Variants in IGF2BP2 observed in about 807,000 individuals in gnomAD.
IGF2BP2 encodes the protein insulin like growth factor 2 mRNA binding protein 2.
A neutral mutation model predicts 75.8 loss-of-function variants in IGF2BP2; 17 were observed. The ratio of observed to expected loss-of-function variants is 0.22; its 90% confidence interval spans 0.15 to 0.34. IGF2BP2 has a LOEUF of 0.34. Among genes scored for constraint, IGF2BP2 ranks in the 10% least tolerant of loss-of-function variants. The pLI is 1.00. For synonymous variants in IGF2BP2, 288 were observed against 295.6 expected, an observed-to-expected ratio of 0.97 and a Z score of 0.26; for missense variants, 516 against 772.4, an observed-to-expected ratio of 0.67 and a Z score of 3.93.
chr3:185,739,872 C>T (rs906796473), intron 2 of IGF2BP2, among the ~76,000 whole-genome samples: 4 of 122,972 alleles, frequency 3.3e-5, no homozygotes, highest in Non-Finnish European at 6.9e-5. Flanking sequence ...CCCCCCACCC[C>T]GAGACAAGGT....
At chr3:185,792,638 G>A (rs1736806958) in intron 2 of IGF2BP2, among the ~76,000 whole-genome samples, 1 of 151,584 alleles carries the variant, frequency 6.6e-6, no homozygotes, top group African/African-American at 2.4e-5. Flanking sequence ...CTGGTGACGG[G>A]CAACTGTAAT....
intron 2 of IGF2BP2, among the ~76,000 whole-genome samples, chr3:185,751,912 G>A (rs543161212): frequency 8.4e-4 from 127 of 151,778 alleles, no homozygotes; most frequent in African/African-American, 2.9e-3. Context: ...GCAGTGAGCC[G>A]AGATCGTGCC....
At chr3:185,689,723 C>T (rs893599666) in intron 5 of IGF2BP2, 96 bp from the exon 6 acceptor site, 3 of 1,405,476 alleles carry the variant, frequency 2.1e-6, no homozygotes, top group Non-Finnish European at 2.0e-6. Flanking sequence ...AATCCCAGCA[C>T]TTTGGGAGGC....
intron 2 of IGF2BP2, among the ~76,000 whole-genome samples, chr3:185,791,346 T>C (rs920784840): frequency 8.5e-5 from 13 of 152,240 alleles, no homozygotes; most frequent in East Asian, 3.8e-4. Context: ...TCCCAGCTAC[T>C]TGGGAGGCTG....
intron 14 of IGF2BP2, among the ~76,000 whole-genome samples, chr3:185,648,802 C>A (rs1449605433): frequency 6.6e-6 from 1 of 152,234 alleles, no homozygotes; most frequent in Non-Finnish European, 1.5e-5. Context: ...TTTCAAAAAA[C>A]AATCTCCTCC....
At chr3:185,764,242 T>C (rs1462842083) in intron 2 of IGF2BP2, among the ~76,000 whole-genome samples, 1 of 152,122 alleles carries the variant, frequency 6.6e-6, no homozygotes, top group African/African-American at 2.4e-5. Flanking sequence ...AAATTGCTAA[T>C]ATTTTGGCAC....
chr3:185,719,753 G>C (rs1344130800), intron 2 of IGF2BP2, among the ~76,000 whole-genome samples: 2 of 152,132 alleles, frequency 1.3e-5, no homozygotes, highest in Non-Finnish European at 2.9e-5. Flanking sequence ...AGAATCACTT[G>C]AACCTGGGAG....
In IGF2BP2 at chr3:185,820,471, C is replaced by CA. The variant is rs532634983; in HGVS notation, c.239+2681dup. On this transcript the variant is annotated intron_variant, in intron 2 of 15. Transcript: ENST00000382199. ...TTCAACAGAGCCTGAAACCAACTTA[C>CA]AAAGAGAAATAAATGCTTTATGTGC... is the stretch of plus-strand genomic sequence containing the variant. 5.8e-3 allele frequency among the ~76,000 whole-genome samples: 889 copies of CA among 151,972 alleles called. 9 individuals are homozygous for CA. The highest frequency in any genetic ancestry group is 0.02 in the African/African-American group (843 of 41,452).
intron 2 of IGF2BP2, among the ~76,000 whole-genome samples, chr3:185,775,372 A>G (rs1402701411): frequency 6.6e-6 from 1 of 152,228 alleles, no homozygotes; most frequent in Non-Finnish European, 1.5e-5. Flanking sequence ...ATATGTGGCT[A>G]AACTCTGGAG....
chr3:185,811,632 T>C (rs1739839911), intron 2 of IGF2BP2, among the ~76,000 whole-genome samples: 2 of 152,214 alleles, frequency 1.3e-5, no homozygotes, highest in South Asian at 2.1e-4. Context: ...AGCTAACTAA[T>C]AGCTGTCCCT....
chr3:185,774,874 GC>G (rs1376629007), intron 2 of IGF2BP2, among the ~76,000 whole-genome samples: 4 of 151,962 alleles, frequency 2.6e-5, no homozygotes, highest in Non-Finnish European at 5.9e-5. Flanking sequence ...ACAAAAATTA[GC>G]CGGGGATGCT....
At chr3:185,715,586 G>A (rs1725473729) in intron 2 of IGF2BP2, among the ~76,000 whole-genome samples, 1 of 152,150 alleles carries the variant, frequency 6.6e-6, no homozygotes, top group Non-Finnish European at 1.5e-5. Context: ...TTCTGTGGCT[G>A]TCTATATCCC....
chr3:185,814,110 T>C (rs1740287670), intron 2 of IGF2BP2: 1 of 152,214 alleles, frequency 6.6e-6, no homozygotes, highest in South Asian at 2.1e-4. Context: ...TCTGGAAGTA[T>C]AGAAAGAAAA....
intron 2 of IGF2BP2, among the ~76,000 whole-genome samples, chr3:185,748,988 A>C (rs1404715654): frequency 6.6e-6 from 1 of 152,114 alleles, no homozygotes; most frequent in Non-Finnish European, 1.5e-5. Context: ...AGATGGTGAA[A>C]TCCCATCTCT....
intron 2 of IGF2BP2, among the ~76,000 whole-genome samples, chr3:185,809,349 A>G (rs1177124012): frequency 2.0e-5 from 3 of 152,202 alleles, no homozygotes; most frequent in Admixed American, 6.5e-5. Context: ...TTGCTTTCCA[A>G]TGTTCATTTT....
rs1295008280 is a variant in IGF2BP2, at chr3:185,689,419, C to G, written c.613G>C (p.Val205Leu). The G allele has an allele frequency of 8.1e-6, 13 of 1,613,976 alleles. No individual in the cohort carries two copies. The highest frequency in any genetic ancestry group is 1.1e-5 in the Non-Finnish European group (13 of 1,180,034). ...PLRILVPTQF[V>L]GAIIGKEGLT... ...CCCTCCTTTCCGATGATGGCACCAA[C>G]AAACTGGGTGGGGACCAGGATCCGC... The change falls in exon 6 of 16, where the codon GTT (valine) becomes CTT (leucine). Residue 205 changes from valine to leucine, a missense_variant. Around this residue, in one of 3 missense-constraint regions of IGF2BP2, gnomAD observed 312 missense variants for 474.5 expected, o/e 0.66. Transcript: ENST00000382199.
intron 2 of IGF2BP2, among the ~76,000 whole-genome samples, chr3:185,743,419 G>A (rs971219254): frequency 6.6e-5 from 10 of 152,062 alleles, no homozygotes; most frequent in South Asian, 2.1e-4. Context: ...GGGATTACAG[G>A]TGCGTGTCAC....
At chr3:185,659,897 C>T (rs977841482) in intron 10 of IGF2BP2, among the ~76,000 whole-genome samples, 3 of 151,924 alleles carry the variant, frequency 2.0e-5, no homozygotes, top group Non-Finnish European at 4.4e-5. Flanking sequence ...CGGGTTCAAG[C>T]GATTCTCCTG....
intron 2 of IGF2BP2, among the ~76,000 whole-genome samples, chr3:185,793,378 C>T (rs1223381222): frequency 6.6e-6 from 1 of 152,094 alleles, no homozygotes; most frequent in African/African-American, 2.4e-5. Flanking sequence ...CCACATAAAG[C>T]ACCTAGCCCA....
Sources: allele counts gnomAD v4.1 joint callset (sites outside exome capture counted in the v4.1 genomes callset), GRCh38; gene constraint gnomAD v4.1.1; regional missense constraint gnomAD v4.1.1; transcripts MANE v1.5; gene names NCBI Gene and HGNC (gene_info 2026-07-23, HGNC 2026-07-21).